SGCD: variants seen among roughly 807,000 people sequenced by gnomAD.
SGCD encodes the protein delta-sarcoglycan.
SGCD carries 18 observed loss-of-function variants against 36.6 expected under a neutral mutation model. The ratio of observed to expected loss-of-function variants is 0.49; its 90% confidence interval spans 0.34 to 0.73. The LOEUF (loss-of-function observed/expected upper bound fraction) is 0.73, where lower values mean the gene tolerates loss of function less well. Among genes scored for constraint, SGCD ranks in the 30% least tolerant of loss-of-function variants. SGCD has a pLI of 0.01. For missense variants in SGCD, 387 were observed against 346.7 expected (o/e 1.12, Z -0.92); for synonymous variants, 133 against 130.6 (o/e 1.02, Z -0.12).
At chr5:156,247,870 G>A (rs1260811164) in intron 3 of SGCD, among the ~76,000 whole-genome samples, 1 of 152,174 alleles carries the variant, frequency 6.6e-6, no homozygotes, top group African/African-American at 2.4e-5. Context: ...AGCCTTTGGG[G>A]ACCCAGCCCC....
intron 4 of SGCD, among the ~76,000 whole-genome samples, chr5:156,543,952 T>A (rs889630418): frequency 6.6e-6 from 1 of 152,196 alleles, no homozygotes; most frequent in Non-Finnish European, 1.5e-5. Context: ...ATTTAGGAGA[T>A]TAACAGCATC....
chr5:156,631,081 G>T (rs1186803964), intron 6 of SGCD, among the ~76,000 whole-genome samples: 4 of 152,094 alleles, frequency 2.6e-5, no homozygotes, highest in African/African-American at 9.7e-5. Flanking sequence ...AGAAACTGAG[G>T]TATAGATCAC....
chr5:155,928,935 T>C (rs1427867047), intron 1 of SGCD, among the ~76,000 whole-genome samples: 1 of 152,152 alleles, frequency 6.6e-6, no homozygotes, highest in Non-Finnish European at 1.5e-5. Flanking sequence ...AGGGGGTGTC[T>C]CTTGAACTTT....
chr5:156,314,890 A>G (rs10044520), intron 3 of SGCD, among the ~76,000 whole-genome samples: 122,341 of 151,918 alleles, frequency 0.81, 49,901 homozygotes, highest in African/African-American at 0.94. Context: ...TTTTTCAGTT[A>G]CATTACTTTT....
At chr5:155,851,824 A>G in the SGCD span, among the ~76,000 whole-genome samples, 1 of 152,304 alleles carries the variant, frequency 6.6e-6, no homozygotes, top group Admixed American at 6.5e-5. Context: ...ACGGTGTAGT[A>G]TAGTGTTGAA....
rs67339181 is a variant in SGCD at position 156,558,088 on chromosome 5, A to AATATATATATAT, written c.295-31118_295-31107dup. Among the ~76,000 whole-genome samples the AATATATATATAT allele has an allele frequency of 4.4e-3, 417 of 95,506 alleles. 10 individuals are homozygous for AATATATATATAT. The highest frequency in any genetic ancestry group is 0.011 in the African/African-American group (290 of 25,288). The allele number at this position is 95,506 out of a possible 152,430, so 62.7% of individuals were successfully genotyped here. A position where few individuals can be genotyped will look rare whatever the true frequency, so the allele number is the denominator to read the frequency against. ...ACTGAGTGTGTTATTAGTAAATACAAATATATATATATATATATATATATA... is the reference window on the plus strand; with the variant it reads ...ACTGAGTGTGTTATTAGTAAATACAAATATATATATATATATATATATATATATATATATATA... On this transcript the variant is annotated intron_variant, in intron 4 of 8. Coordinates refer to ENST00000337851, the MANE Select transcript of SGCD (RefSeq NM_000337.6).
chr5:156,716,057 ATTTTT>A (rs768672375), intron 7 of SGCD, among the ~76,000 whole-genome samples: 24 of 152,182 alleles, frequency 1.6e-4, no homozygotes, highest in Admixed American at 1.2e-3. Flanking sequence ...AGTATAAATG[ATTTTT>A]TTAACTAGAA....
chr5:156,339,088 G>C (rs557650292), intron 2 of SGCD, among the ~76,000 whole-genome samples: 1 of 152,088 alleles, frequency 6.6e-6, no homozygotes, highest in South Asian at 2.1e-4. Flanking sequence ...TGACCTTCTT[G>C]GGAAACTCTA....
chr5:156,587,882 T>C (rs1197381126), intron 4 of SGCD, among the ~76,000 whole-genome samples: 2 of 151,712 alleles, frequency 1.3e-5, no homozygotes, highest in Non-Finnish European at 2.9e-5. Context: ...GGCTAGCATA[T>C]TTGTGACCAT....
chr5:156,703,687 A>T (rs1243187421), intron 7 of SGCD, among the ~76,000 whole-genome samples: 2 of 152,238 alleles, frequency 1.3e-5, no homozygotes, highest in Non-Finnish European at 2.9e-5. Flanking sequence ...AACCTTGAGG[A>T]TACAGAGATA....
At chr5:156,640,045 G>A (rs1005640870) in intron 6 of SGCD, among the ~76,000 whole-genome samples, 2 of 151,984 alleles carry the variant, frequency 1.3e-5, no homozygotes, top group Non-Finnish European at 2.9e-5. Flanking sequence ...AGCCTTCGCA[G>A]GTCCTCTGAT....
intron 3 of SGCD, among the ~76,000 whole-genome samples, chr5:156,294,230 T>C (rs1009856531): frequency 1.9e-4 from 29 of 152,090 alleles, no homozygotes; most frequent in Non-Finnish European, 8.8e-5. Flanking sequence ...CAGAGATTTT[T>C]TGGTGGAATA....
At chr5:156,487,893 A>C (rs1260929091) in intron 3 of SGCD, among the ~76,000 whole-genome samples, 1 of 147,692 alleles carries the variant, frequency 6.8e-6, no homozygotes, top group Non-Finnish European at 1.5e-5. Context: ...TCAGTGAGAC[A>C]TGAAAGAAAA....
At chr5:156,506,287 A>G (rs1756689874) in intron 3 of SGCD, among the ~76,000 whole-genome samples, 1 of 152,068 alleles carries the variant, frequency 6.6e-6, no homozygotes, top group Non-Finnish European at 1.5e-5. Context: ...TAAAATGGAA[A>G]TCTTCAAGTC....
At chr5:156,109,398 A>AGGAGAAG (rs1288911242) in intron 1 of SGCD, among the ~76,000 whole-genome samples, 1 of 152,038 alleles carries the variant, frequency 6.6e-6, no homozygotes, top group East Asian at 1.9e-4. Flanking sequence ...TGGGATGGGA[A>AGGAGAAG]GGAGAAGAAA....
chr5:155,748,740 T>C, the SGCD span, among the ~76,000 whole-genome samples: 4 of 152,160 alleles, frequency 2.6e-5, no homozygotes, highest in Non-Finnish European at 5.9e-5. Flanking sequence ...CCCAAGCTGA[T>C]GAAGATCAAG....
At chr5:156,631,432 G>A (rs1475971859) in intron 6 of SGCD, among the ~76,000 whole-genome samples, 2 of 149,496 alleles carry the variant, frequency 1.3e-5, no homozygotes, top group Admixed American at 1.3e-4. Context: ...GAGCTAAAAA[G>A]CTCTGCAGAT....
chr5:156,489,846 T>G (rs1010248999), intron 3 of SGCD, among the ~76,000 whole-genome samples: 1 of 151,138 alleles, frequency 6.6e-6, no homozygotes, highest in Non-Finnish European at 1.5e-5. Flanking sequence ...CCAAAATTAG[T>G]AGAAGGAAAA....
At chr5:156,394,916 A>G (rs901615825) in intron 3 of SGCD, among the ~76,000 whole-genome samples, 1 of 152,226 alleles carries the variant, frequency 6.6e-6, no homozygotes, top group Non-Finnish European at 1.5e-5. Flanking sequence ...CATATTGGCT[A>G]GAACAGGCTT....
Sources: allele counts gnomAD v4.1 joint callset (sites outside exome capture counted in the v4.1 genomes callset), GRCh38; gene constraint gnomAD v4.1.1; transcripts MANE v1.5; gene names NCBI Gene and HGNC (gene_info 2026-07-23, HGNC 2026-07-21).